ROBO1: variants seen among roughly 807,000 people sequenced by gnomAD.
The protein encoded by ROBO1 is roundabout guidance receptor 1.
ROBO1 carries 149 observed loss-of-function variants against 195.9 expected under a neutral mutation model. The observed-to-expected ratio is 0.76, with a 90% confidence interval of 0.67 to 0.87. The LOEUF (loss-of-function observed/expected upper bound fraction) is 0.87, where lower values mean the gene tolerates loss of function less well. Among genes scored for constraint, ROBO1 ranks in the 40% least tolerant of loss-of-function variants. The pLI, the probability that ROBO1 is intolerant of heterozygous loss-of-function variation, is 0.00. For synonymous variants in ROBO1, 816 were observed against 733.2 expected (o/e 1.11, Z -1.82); for missense variants, 1,933 against 2,068.3 (o/e 0.93, Z 1.27).
intron 4 of ROBO1, among the ~76,000 whole-genome samples, chr3:78,827,214 C>T (rs1463330027): frequency 6.6e-6 from 1 of 152,116 alleles, no homozygotes; most frequent in Non-Finnish European, 1.5e-5. Flanking sequence ...CTGCTAAATA[C>T]TATGTTTAAA....
intron 2 of ROBO1, among the ~76,000 whole-genome samples, chr3:79,408,911 C>T (rs1287039700): frequency 1.3e-5 from 2 of 151,942 alleles, no homozygotes. Flanking sequence ...AAATGATATA[C>T]CAACTTCTCA....
chr3:78,968,810 G>A (rs1183804453), intron 3 of ROBO1, among the ~76,000 whole-genome samples: 1 of 152,170 alleles, frequency 6.6e-6, no homozygotes, highest in Non-Finnish European at 1.5e-5. Flanking sequence ...TAATATACCA[G>A]TAAATTTTGT....
intron 2 of ROBO1, among the ~76,000 whole-genome samples, chr3:79,302,095 T>G (rs1559802879): frequency 6.6e-6 from 1 of 152,092 alleles, no homozygotes; most frequent in African/African-American, 2.4e-5. Context: ...TAAAGTAAAA[T>G]GAAGGGACCA....
At chr3:79,320,667 A>C (rs183848046) in intron 2 of ROBO1, among the ~76,000 whole-genome samples, 1 of 152,278 alleles carries the variant, frequency 6.6e-6, no homozygotes, top group East Asian at 1.9e-4. Flanking sequence ...GAAGAACACA[A>C]TCATTCAGTC....
intron 1 of ROBO1, among the ~76,000 whole-genome samples, chr3:79,763,148 T>A (rs1704802525): frequency 6.6e-6 from 1 of 152,092 alleles, no homozygotes; most frequent in Admixed American, 6.6e-5. Flanking sequence ...AATATAGGTA[T>A]GACAATCAGG....
chr3:79,304,942 T>G (rs1387363292), intron 2 of ROBO1, among the ~76,000 whole-genome samples: 1 of 152,234 alleles, frequency 6.6e-6, no homozygotes, highest in African/African-American at 2.4e-5. Flanking sequence ...ACTGCCAAAC[T>G]GTTTTCCAAA....
chr3:79,702,477 G>C (rs925331164), intron 1 of ROBO1, among the ~76,000 whole-genome samples: 2 of 151,798 alleles, frequency 1.3e-5, no homozygotes, highest in African/African-American at 4.8e-5. Context: ...ATCCATTGAA[G>C]GTCACTGATC....
rs543085518 is a variant in ROBO1 at position 79,059,290 on chromosome 3, G to T, written c.172+66166C>A. Among the ~76,000 whole-genome samples the T allele has an allele frequency of 5.9e-5, 9 of 152,138 alleles. No individual in the cohort carries two copies. In the South Asian group the frequency reaches 1.9e-3, roughly 32 times the overall value. On this transcript the variant is annotated intron_variant, in intron 3 of 30. Transcript: ENST00000464233. ...CAGGCTCATTTATCCATTGTGCTTG[G>T]AGCTGAGGCATTAGATCAGGGGCAG...
chr3:78,846,819 G>A (rs1391302932), intron 4 of ROBO1, among the ~76,000 whole-genome samples: 2 of 152,124 alleles, frequency 1.3e-5, no homozygotes, highest in African/African-American at 4.8e-5. Flanking sequence ...GAACCTTTCT[G>A]TGGTTTTCCA....
At chr3:79,688,301 T>C (rs1295735717) in intron 1 of ROBO1, among the ~76,000 whole-genome samples, 3 of 151,682 alleles carry the variant, frequency 2.0e-5, no homozygotes, top group African/African-American at 7.3e-5. Flanking sequence ...CACACCAACA[T>C]GGCACATGTA....
rs531039761 is a variant in ROBO1, at chr3:79,047,576, C to T, written c.172+77880G>A. On this transcript the variant is annotated intron_variant, in intron 3 of 30. Coordinates refer to ENST00000464233, the MANE Select transcript of ROBO1 (RefSeq NM_002941.4). The stretch of plus-strand genomic sequence containing the variant: ...AAGCAGTACCTGAATTCTTGGTCCA[C>T]AGAATCTGTGAGATAATAAGTGCTT... Among the ~76,000 whole-genome samples, 111 of 152,174 alleles carry T rather than the reference C, an allele frequency of 7.3e-4. No homozygotes were observed. In the Middle Eastern group the frequency reaches 0.014, roughly 19 times the overall value.
chr3:79,612,621 G>T (rs1202844369), intron 1 of ROBO1, among the ~76,000 whole-genome samples: 1 of 147,184 alleles, frequency 6.8e-6, no homozygotes, highest in Non-Finnish European at 1.5e-5. Flanking sequence ...TTCCACAATG[G>T]TTGAACTAGT....
chr3:79,400,871 G>A (rs2037345272), intron 2 of ROBO1, among the ~76,000 whole-genome samples: 2 of 151,792 alleles, frequency 1.3e-5, no homozygotes, highest in Admixed American at 6.6e-5. Flanking sequence ...TTATATTTCT[G>A]TAGGATTTTT....
At chr3:79,235,148 T>C (rs570764720) in intron 2 of ROBO1, among the ~76,000 whole-genome samples, 2 of 152,184 alleles carry the variant, frequency 1.3e-5, no homozygotes, top group South Asian at 4.1e-4. Context: ...AAGGGAAAGA[T>C]AAATGAGAAA....
chr3:79,557,688 G>A (rs958633340), intron 2 of ROBO1, among the ~76,000 whole-genome samples: 5 of 128,854 alleles, frequency 3.9e-5, no homozygotes, highest in East Asian at 2.0e-4. Flanking sequence ...ACCCGAGATC[G>A]CGCCACTGCA....
intron 4 of ROBO1, among the ~76,000 whole-genome samples, chr3:78,818,483 T>A (rs1371742330): frequency 6.6e-6 from 1 of 152,200 alleles, no homozygotes; most frequent in Non-Finnish European, 1.5e-5. Context: ...GCTGCCACCA[T>A]GGCATGATGC....
chr3:78,820,459 T>TAA (rs1466400790), intron 4 of ROBO1, among the ~76,000 whole-genome samples: 1 of 152,196 alleles, frequency 6.6e-6, no homozygotes, highest in Non-Finnish European at 1.5e-5. Flanking sequence ...GTACTAATGT[T>TAA]AACGTAGGTA....
chr3:79,692,448 T>A (rs1947324058), intron 1 of ROBO1, among the ~76,000 whole-genome samples: 1 of 151,902 alleles, frequency 6.6e-6, no homozygotes. Flanking sequence ...GGGTGATTAG[T>A]GTCTTCAGAC....
At chr3:78,630,913 T>G (rs1705139470) in intron 25 of ROBO1, among the ~76,000 whole-genome samples, 1 of 152,192 alleles carries the variant, frequency 6.6e-6, no homozygotes, top group Non-Finnish European at 1.5e-5. Flanking sequence ...GATAGATACA[T>G]GAGCTAATAT....
Sources: allele counts gnomAD v4.1 joint callset (sites outside exome capture counted in the v4.1 genomes callset), GRCh38; gene constraint gnomAD v4.1.1; transcripts MANE v1.5; gene names NCBI Gene and HGNC (gene_info 2026-07-23, HGNC 2026-07-21).